Variants in CNTN5 observed in about 807,000 individuals in gnomAD.
CNTN5 encodes contactin-5.
CNTN5 carries 77 observed loss-of-function variants against 129.1 expected under a neutral mutation model. The ratio of observed to expected loss-of-function variants is 0.60; its 90% CI spans 0.50 to 0.72. The LOEUF is 0.72. CNTN5 is among the 30% of genes least tolerant of loss of function. CNTN5 has a pLI of 0.00. For missense variants in CNTN5, 1,478 were observed against 1,328.8 expected, an observed-to-expected ratio of 1.11 and a Z score of -1.75; for synonymous variants, 509 against 465.6, an observed-to-expected ratio of 1.09 and a Z score of -1.20.
chr11:99,607,961 G>A (rs1339159436), intron 3 of CNTN5, among the ~76,000 whole-genome samples: 1 of 112,258 alleles, frequency 8.9e-6, no homozygotes, highest in Non-Finnish European at 1.8e-5. Context: ...GGGGTCGGGG[G>A]AGGGGGGAGG....
At chr11:100,317,087 T>C (rs190544038) in intron 21 of CNTN5, among the ~76,000 whole-genome samples, 52 of 152,362 alleles carry the variant, frequency 3.4e-4, no homozygotes, top group African/African-American at 1.2e-3. Context: ...ACTTATTGAT[T>C]GCACTGAAAG....
chr11:100,018,070 T>C (rs1414092167), intron 9 of CNTN5, among the ~76,000 whole-genome samples: 1 of 151,992 alleles, frequency 6.6e-6, no homozygotes, highest in Admixed American at 6.6e-5. Context: ...AAACACAATA[T>C]ATTAAGTCAA....
At chr11:100,273,182 T>C (rs917259441) in intron 18 of CNTN5, among the ~76,000 whole-genome samples, 2 of 151,842 alleles carry the variant, frequency 1.3e-5, no homozygotes, top group African/African-American at 4.8e-5. Context: ...CACAATAGCT[T>C]CTCCTCTGGC....
intron 7 of CNTN5, among the ~76,000 whole-genome samples, chr11:99,947,887 T>C (rs569546827): frequency 0.012 from 1,798 of 152,320 alleles, 38 homozygotes; most frequent in African/African-American, 0.041. Context: ...GAAAAAATGT[T>C]GAGTGTTTTA....
intron 7 of CNTN5, among the ~76,000 whole-genome samples, chr11:99,930,298 T>C (rs1422234967): frequency 1.3e-5 from 2 of 152,224 alleles, no homozygotes; most frequent in Non-Finnish European, 1.5e-5. Flanking sequence ...TTTTGTCTCT[T>C]ACTGTGCATC....
intron 2 of CNTN5, among the ~76,000 whole-genome samples, chr11:99,527,427 A>C (rs1947527801): frequency 6.6e-6 from 1 of 152,202 alleles, no homozygotes; most frequent in Admixed American, 6.5e-5. Context: ...CCAAGTCTTT[A>C]ATAAATTATA....
chr11:100,140,279 G>A (rs1813443), intron 13 of CNTN5, among the ~76,000 whole-genome samples: 1 of 152,080 alleles, frequency 6.6e-6, no homozygotes, highest in African/African-American at 2.4e-5. Flanking sequence ...GTGTTTAACT[G>A]TATGGGTGCA....
chr11:100,285,914 C>T (rs544068671), intron 18 of CNTN5, among the ~76,000 whole-genome samples: 91 of 152,288 alleles, frequency 6.0e-4, no homozygotes, highest in Admixed American at 2.7e-3. Flanking sequence ...GTGCGCGAGC[C>T]GAAGCAGGGC....
At chr11:99,530,276 G>A (rs1947647080) in intron 2 of CNTN5, among the ~76,000 whole-genome samples, 2 of 152,036 alleles carry the variant, frequency 1.3e-5, no homozygotes, top group Admixed American at 1.3e-4. Flanking sequence ...TCATCCTTTT[G>A]CAATCAGTCT....
intron 2 of CNTN5, among the ~76,000 whole-genome samples, chr11:99,353,262 A>G (rs1362575217): frequency 6.6e-6 from 1 of 152,218 alleles, no homozygotes; most frequent in South Asian, 2.1e-4. Flanking sequence ...ACGTTTTTAT[A>G]AAGTATTGGT....
chr11:99,519,445 G>T (rs1565254135), intron 2 of CNTN5, among the ~76,000 whole-genome samples: 1 of 151,982 alleles, frequency 6.6e-6, no homozygotes, highest in East Asian at 1.9e-4. Flanking sequence ...TGAATGTGGG[G>T]ATATGTGTGT....
chr11:99,577,772 CT>C (rs1949407588), intron 3 of CNTN5, among the ~76,000 whole-genome samples: 5 of 151,934 alleles, frequency 3.3e-5, no homozygotes. Flanking sequence ...AAAGATGATT[CT>C]GCATTTGTGC....
chr11:99,323,598 A>T (rs183506105), intron 1 of CNTN5, among the ~76,000 whole-genome samples: 11 of 151,802 alleles, frequency 7.2e-5, no homozygotes, highest in African/African-American at 2.7e-4. Flanking sequence ...GGGAAAAATG[A>T]TGCACTGTAT....
intron 21 of CNTN5, 162 bp downstream of exon 21, chr11:100,308,630 G>A (rs968726374): frequency 3.2e-5 from 43 of 1,341,184 alleles, no homozygotes; most frequent in Admixed American, 1.0e-4. Flanking sequence ...GATGTGTTAT[G>A]TTGCTCATTA....
intron 18 of CNTN5, among the ~76,000 whole-genome samples, chr11:100,293,909 C>T (rs1239583953): frequency 6.6e-6 from 1 of 151,632 alleles, no homozygotes; most frequent in African/African-American, 2.4e-5. Context: ...TAAACTAAGC[C>T]TGAGTTAGAA....
intron 18 of CNTN5, among the ~76,000 whole-genome samples, chr11:100,283,061 C>A (rs1205658666): frequency 1.3e-5 from 2 of 152,160 alleles, no homozygotes; most frequent in Admixed American, 6.5e-5. Context: ...ACCCCAAGAG[C>A]CCTCTTAGTT....
chr11:99,988,439 GA>G (rs2137397608), intron 8 of CNTN5, among the ~76,000 whole-genome samples: 1 of 150,716 alleles, frequency 6.6e-6, no homozygotes, highest in South Asian at 2.1e-4. Context: ...CTATGAGTAA[GA>G]AACTCTTTGG....
intron 1 of CNTN5, among the ~76,000 whole-genome samples, chr11:99,064,898 A>G (rs749830562): frequency 6.6e-6 from 1 of 151,986 alleles, no homozygotes; most frequent in Admixed American, 6.6e-5. Context: ...CTAAAGTTTT[A>G]TTCAAATTAA....
At chr11:99,147,328 T>G (rs149762108) in intron 1 of CNTN5, among the ~76,000 whole-genome samples, 5 of 152,300 alleles carry the variant, frequency 3.3e-5, no homozygotes, top group African/African-American at 1.2e-4. Flanking sequence ...TTTTCTGCTA[T>G]ATTTACAATT....
Sources: allele counts gnomAD v4.1 joint callset (sites outside exome capture counted in the v4.1 genomes callset), GRCh38; gene constraint gnomAD v4.1.1; transcripts MANE v1.5; gene names NCBI Gene and HGNC (gene_info 2026-07-23, HGNC 2026-07-21).